CTNNA3: variants seen among roughly 807,000 people sequenced by gnomAD.
CTNNA3 encodes catenin alpha 3.
In CTNNA3, 76 loss-of-function variants were observed where a neutral mutation model predicts 95.7. The observed-to-expected ratio is 0.79, with a 90% CI of 0.66 to 0.96. CTNNA3 has a LOEUF of 0.96. Among genes scored for constraint, CTNNA3 ranks in the 40% least tolerant of loss-of-function variants. The pLI is 0.00. For synonymous variants in CTNNA3, 431 were observed against 374.4 expected (o/e 1.15, Z -1.74); for missense variants, 1,191 against 1,089.8 (o/e 1.09, Z -1.31).
At chr10:66,206,291 A>T (rs2087750780) in intron 13 of CTNNA3, among the ~76,000 whole-genome samples, 1 of 151,940 alleles carries the variant, frequency 6.6e-6, no homozygotes, top group African/African-American at 2.4e-5. Context: ...AATAATTGTT[A>T]ACTATTGGAC....
intron 10 of CTNNA3, among the ~76,000 whole-genome samples, chr10:66,540,525 C>T (rs1472656059): frequency 6.6e-6 from 1 of 152,104 alleles, no homozygotes; most frequent in Non-Finnish European, 1.5e-5. Context: ...AGCTCTTAGC[C>T]TGGATGTCCT....
chr10:66,619,147 G>T (rs888472422), intron 10 of CTNNA3, among the ~76,000 whole-genome samples: 1 of 151,640 alleles, frequency 6.6e-6, no homozygotes, highest in African/African-American at 2.4e-5. Flanking sequence ...GTGGAAGTCA[G>T]TGTGGTGATT....
intron 12 of CTNNA3, among the ~76,000 whole-genome samples, chr10:66,340,523 T>C (rs1014181165): frequency 5.3e-5 from 8 of 151,896 alleles, no homozygotes; most frequent in Non-Finnish European, 1.0e-4. Flanking sequence ...TAAATATTAC[T>C]ATGTCTGAAG....
intron 12 of CTNNA3, among the ~76,000 whole-genome samples, chr10:66,347,164 A>G (rs544001287): frequency 6.6e-6 from 1 of 152,234 alleles, no homozygotes; most frequent in East Asian, 1.9e-4. Context: ...GTAGAAAAAA[A>G]TATACATGTC....
At chr10:67,626,197 G>A (rs1401324625) in intron 2 of CTNNA3, among the ~76,000 whole-genome samples, 1 of 147,168 alleles carries the variant, frequency 6.8e-6, no homozygotes, top group Non-Finnish European at 1.5e-5. Context: ...AAAAAAAAAA[G>A]AAGTTTGAAT....
chr10:66,730,910 C>A (rs1303725904), intron 9 of CTNNA3, among the ~76,000 whole-genome samples: 4 of 152,296 alleles, frequency 2.6e-5, no homozygotes, highest in Admixed American at 6.5e-5. Flanking sequence ...TGCAAAAATG[C>A]ATGTTTATCT....
At chr10:66,986,127 G>T (rs899380519) in intron 7 of CTNNA3, among the ~76,000 whole-genome samples, 1 of 152,100 alleles carries the variant, frequency 6.6e-6, no homozygotes, top group African/African-American at 2.4e-5. Context: ...AGATTTGCCT[G>T]TCTGGTTAAT....
intron 12 of CTNNA3, among the ~76,000 whole-genome samples, chr10:66,288,704 A>G (rs753583038): frequency 1.1e-4 from 17 of 152,074 alleles, no homozygotes; most frequent in Non-Finnish European, 2.1e-4. Flanking sequence ...ACTATTTCAA[A>G]TATTTGCAAA....
chr10:66,484,312 G>C (rs1333260789), intron 11 of CTNNA3, among the ~76,000 whole-genome samples: 1 of 151,176 alleles, frequency 6.6e-6, no homozygotes, highest in Non-Finnish European at 1.5e-5. Flanking sequence ...AATTAAAACT[G>C]TTCCAAATTT....
chr10:66,838,561 A>C (rs1280722697), intron 7 of CTNNA3, among the ~76,000 whole-genome samples: 1 of 151,490 alleles, frequency 6.6e-6, no homozygotes, highest in African/African-American at 2.4e-5. Flanking sequence ...TAAATAAATA[A>C]ATAAAATGCC....
intron 7 of CTNNA3, among the ~76,000 whole-genome samples, chr10:66,882,194 A>T (rs1844875896): frequency 6.6e-6 from 1 of 152,076 alleles, no homozygotes; most frequent in Admixed American, 6.6e-5. Context: ...GGTGGGGGAT[A>T]ACGAAAGGGT....
chr10:66,183,341 A>C (rs1473816366), intron 13 of CTNNA3, among the ~76,000 whole-genome samples: 1 of 152,198 alleles, frequency 6.6e-6, no homozygotes, highest in African/African-American at 2.4e-5. Flanking sequence ...TCTCTGTATG[A>C]GATATGCATT....
rs1446779872 is a variant in CTNNA3 at position 67,743,077 on chromosome 10, A to G, written c.-2+20357T>C. Among the ~76,000 whole-genome samples, 88 of 151,322 alleles carry G rather than the reference A, an allele frequency of 5.8e-4. 4 individuals carry two copies. Among genetic ancestry groups the G allele is most frequent in the Non-Finnish European group, 2.4e-4 (16 of 67,678 alleles). ...CAGCCGAATTCTACCAGAGGTACAA[A>G]CAGGAGCTGGTACCATTCCTTCTGA... On this transcript the variant is annotated intron_variant, in intron 1 of 17. Coordinates refer to the CTNNA3 transcript ENST00000684154.
intron 10 of CTNNA3, among the ~76,000 whole-genome samples, chr10:66,538,081 C>T (rs765566891): frequency 2.6e-4 from 40 of 152,132 alleles, no homozygotes; most frequent in Admixed American, 1.2e-3. Flanking sequence ...CACTGTTTCT[C>T]AGGGACTGTC....
upstream of CTNNA3, among the ~76,000 whole-genome samples, chr10:67,698,239 G>GGGA (rs1257246286): frequency 1.8e-4 from 24 of 136,716 alleles, no homozygotes; most frequent in African/African-American, 7.1e-4. Flanking sequence ...GAAGAGCTGG[G>GGGA]GAAAAAAAAA....
intron 7 of CTNNA3, among the ~76,000 whole-genome samples, chr10:67,051,826 C>T (rs192340035): frequency 2.2e-4 from 34 of 151,924 alleles, no homozygotes; most frequent in African/African-American, 8.0e-4. Context: ...ACCATCTCGG[C>T]TCACTGCAAC....
At chr10:66,342,528 C>A (rs959444401) in intron 12 of CTNNA3, among the ~76,000 whole-genome samples, 1 of 151,988 alleles carries the variant, frequency 6.6e-6, no homozygotes, top group African/African-American at 2.4e-5. Flanking sequence ...TTATCTTCTA[C>A]ATAGTCAATA....
intron 9 of CTNNA3, among the ~76,000 whole-genome samples, chr10:66,711,044 G>T (rs1181070275): frequency 6.6e-6 from 1 of 151,988 alleles, no homozygotes; most frequent in Non-Finnish European, 1.5e-5. Context: ...TAGATCAAAA[G>T]ATTCAGAGTT....
At chr10:67,158,839 A>C (rs909647563) in intron 7 of CTNNA3, among the ~76,000 whole-genome samples, 3 of 144,824 alleles carry the variant, frequency 2.1e-5, no homozygotes, top group African/African-American at 7.6e-5. Flanking sequence ...AATCTATTAC[A>C]AAAAAAAAAA....
Sources: gnomAD v4.1 joint callset for allele counts (sites outside exome capture counted in the v4.1 genomes callset) on GRCh38, gnomAD v4.1.1 for gene constraint, MANE v1.5 for transcripts, NCBI Gene and HGNC (gene_info 2026-07-23, HGNC 2026-07-21) for gene names.